Variants in FRMPD4 observed in about 807,000 individuals in gnomAD.
The protein encoded by FRMPD4 is FERM and PDZ domain containing 4.
A neutral mutation model predicts 94.1 loss-of-function variants in FRMPD4; 22 were observed. The ratio of observed to expected loss-of-function variants is 0.23; its 90% CI spans 0.17 to 0.33. The LOEUF (loss-of-function observed/expected upper bound fraction) is 0.33. Among genes scored for constraint, FRMPD4 ranks in the 10% least tolerant of loss-of-function variants. FRMPD4 has a pLI of 1.00. For synonymous variants in FRMPD4, 631 were observed against 548.6 expected, an observed-to-expected ratio of 1.15 and a Z score of -2.10; for missense variants, 1,111 against 1,339.9, an observed-to-expected ratio of 0.83 and a Z score of 2.67.
chrX:12,720,018 AG>A (rs1194042301), intron 16 of FRMPD4, among the ~76,000 whole-genome samples: 140 of 45,866 alleles, frequency 3.1e-3, no homozygotes, highest in Middle Eastern at 0.023. Flanking sequence ...AGGAAAGGAA[AG>A]GAAAGGAAAG....
At chrX:11,857,100 A>C (rs1003581296) in intron 1 of FRMPD4, among the ~76,000 whole-genome samples, 2 of 112,250 alleles carry the variant, frequency 1.8e-5, no homozygotes, top group African/African-American at 6.5e-5. Flanking sequence ...CATGGATAGG[A>C]AGAATCAATA....
At chrX:11,967,750 G>GTTTT (rs1267447992) in intron 3 of FRMPD4, among the ~76,000 whole-genome samples, 4 of 80,146 alleles carry the variant, frequency 5.0e-5, no homozygotes, top group Admixed American at 4.5e-4. Context: ...GTGTGTGTGT[G>GTTTT]TGTGTGTTTT....
At chrX:12,263,335 A>G (rs773925072) in intron 1 of FRMPD4, among the ~76,000 whole-genome samples, 2 of 111,673 alleles carry the variant, frequency 1.8e-5, no homozygotes, top group Non-Finnish European at 3.8e-5. Context: ...TATGCCTGAC[A>G]TGCAAGAGCA....
At chrX:12,570,533 T>C (rs1186084166) in intron 2 of FRMPD4, among the ~76,000 whole-genome samples, 2 of 90,589 alleles carry the variant, frequency 2.2e-5, no homozygotes, top group Non-Finnish European at 4.6e-5. Context: ...CTCAAACTCC[T>C]GACCTTGTGA....
intron 3 of FRMPD4, among the ~76,000 whole-genome samples, chrX:11,901,000 G>A (rs1849475971): frequency 9.0e-6 from 1 of 111,027 alleles, no homozygotes; most frequent in African/African-American, 3.3e-5. Context: ...CCATTATTTA[G>A]TATTTTGGAT....
chrX:12,167,607 G>A (rs1269263596), intron 1 of FRMPD4, among the ~76,000 whole-genome samples: 5 of 111,359 alleles, frequency 4.5e-5, no homozygotes, highest in South Asian at 3.9e-4. Flanking sequence ...GACTTCTTAT[G>A]CAATTCAGTC....
chrX:12,469,205 A>G (rs1198402622), intron 1 of FRMPD4, among the ~76,000 whole-genome samples: 1 of 111,316 alleles, frequency 9.0e-6, no homozygotes, highest in East Asian at 2.8e-4. Context: ...GACATATGAA[A>G]CTAACAGGGG....
At chrX:12,377,537 A>G (rs1398212562) in intron 1 of FRMPD4, among the ~76,000 whole-genome samples, 1 of 112,261 alleles carries the variant, frequency 8.9e-6, no homozygotes, top group Non-Finnish European at 1.9e-5. Flanking sequence ...TAAAACTGAC[A>G]CACCACAATG....
intron 2 of FRMPD4, among the ~76,000 whole-genome samples, chrX:12,581,000 T>C (rs1231243719): frequency 8.9e-6 from 1 of 112,366 alleles, no homozygotes; most frequent in African/African-American, 3.2e-5. Flanking sequence ...TAACTGAAAC[T>C]GTGGAAAGCA....
chrX:12,679,542 G>A (rs932450998), intron 5 of FRMPD4, among the ~76,000 whole-genome samples: 2 of 112,016 alleles, frequency 1.8e-5, no homozygotes, highest in African/African-American at 6.5e-5. Context: ...GGGTGGGAAA[G>A]AGTACTTGTG....
chrX:11,869,951 T>C (rs5935176), intron 2 of FRMPD4, among the ~76,000 whole-genome samples: 2,311 of 111,675 alleles, frequency 0.021, 21 homozygotes, highest in Non-Finnish European at 0.033. Flanking sequence ...TCCCTGTTAC[T>C]ATTGACTGCA....
At chrX:12,128,450 G>A (rs2055520014) in intron 3 of FRMPD4, among the ~76,000 whole-genome samples, 1 of 112,131 alleles carries the variant, frequency 8.9e-6, no homozygotes, top group African/African-American at 3.2e-5. Flanking sequence ...GCACAGAGCA[G>A]AGGGGCCTGG....
chrX:11,859,272 A>G (rs1450805712), intron 1 of FRMPD4, among the ~76,000 whole-genome samples: 1 of 112,252 alleles, frequency 8.9e-6, no homozygotes, highest in Admixed American at 9.5e-5. Context: ...AAGGTGAGAT[A>G]ATAGCTAAAA....
At chrX:11,950,460 A>G (rs1353874039) in intron 3 of FRMPD4, among the ~76,000 whole-genome samples, 5 of 111,687 alleles carry the variant, frequency 4.5e-5, no homozygotes, top group Non-Finnish European at 7.5e-5. Context: ...TTTCCAGTAT[A>G]CAACACAGTA....
chrX:12,239,540 G>T (rs1216999357), intron 1 of FRMPD4, among the ~76,000 whole-genome samples: 1 of 112,223 alleles, frequency 8.9e-6, no homozygotes, highest in Non-Finnish European at 1.9e-5. Context: ...ATTATCTAGA[G>T]AAGGGAGAGG....
intron 3 of FRMPD4, among the ~76,000 whole-genome samples, chrX:11,951,352 C>T (rs143348783): frequency 0.014 from 1,514 of 111,237 alleles, 10 homozygotes; most frequent in Middle Eastern, 0.032. Context: ...AAGAGCCTGT[C>T]AATGATAGAC....
At chrX:12,089,957 C>G (rs1229884892) in intron 3 of FRMPD4, among the ~76,000 whole-genome samples, 1 of 111,370 alleles carries the variant, frequency 9.0e-6, no homozygotes, top group African/African-American at 3.3e-5. Context: ...GATGAAGTGC[C>G]TGTTGAGAGG....
chrX:12,660,854 T>C (rs112629543), intron 4 of FRMPD4, among the ~76,000 whole-genome samples: 8 of 111,862 alleles, frequency 7.2e-5, no homozygotes, highest in African/African-American at 2.6e-4. Flanking sequence ...ATTGAGGAGA[T>C]ATCCAAGATG....
chrX:11,913,053 C>G (rs1297610418), intron 3 of FRMPD4, among the ~76,000 whole-genome samples: 1 of 112,213 alleles, frequency 8.9e-6, no homozygotes, highest in Non-Finnish European at 1.9e-5. Flanking sequence ...TTCATAAATT[C>G]ATAGCCTTAT....
Sources: allele counts gnomAD v4.1 joint callset (sites outside exome capture counted in the v4.1 genomes callset), GRCh38; gene constraint gnomAD v4.1.1; transcripts MANE v1.5; gene names NCBI Gene and HGNC (gene_info 2026-07-23, HGNC 2026-07-21).